The following SLC45A1 variants were observed in gnomAD, a reference collection of about 807,000 sequenced individuals.
SLC45A1 encodes solute carrier family 45 member 1.
In SLC45A1, 28 loss-of-function variants were observed where a neutral mutation model predicts 57.6. That is an observed-to-expected ratio of 0.49 (90% CI 0.36 to 0.67). The LOEUF (loss-of-function observed/expected upper bound fraction) is 0.67. SLC45A1 is among the 30% of genes least tolerant of loss of function. The pLI is 0.00. For missense variants in SLC45A1, 814 were observed against 1,041.5 expected (o/e 0.78, Z 3.01); for synonymous variants, 459 against 471.5 (o/e 0.97, Z 0.34).
intron 5 of SLC45A1, among the ~76,000 whole-genome samples, chr1:8,333,125 A>G (rs1443077407): frequency 6.6e-6 from 1 of 152,046 alleles, no homozygotes; most frequent in South Asian, 2.1e-4. Context: ...CCTGGTCCTC[A>G]GTTCATTCTC....
intron 7 of SLC45A1, among the ~76,000 whole-genome samples, chr1:8,338,697 G>A (rs1016424297): frequency 1.3e-5 from 2 of 152,222 alleles, no homozygotes; most frequent in African/African-American, 4.8e-5. Flanking sequence ...CAATCAAACC[G>A]CACTGTGTTC....
In SLC45A1 at chr1:8,330,902, CCAG is replaced by C; in HGVS notation, c.1413_1415del (p.Ser471del). On this transcript the variant is annotated inframe_deletion, in exon 5 of 9. Coordinates refer to ENST00000471889, the MANE Select transcript of SLC45A1 (RefSeq NM_001080397.3). The surrounding 1 kb of genome is among the most constrained non-coding windows in gnomAD (Gnocchi z 8.4). The stretch of plus-strand genomic sequence containing the variant: ...GCAGCCGGAGGAGGGGGTCCCGAAA[CCAG>C]CAGGAGAAGGAATGTGACCTTCAGT... 6.2e-7 allele frequency: 1 copy of C among 1,600,682 alleles called. No individual in the cohort carries two copies. The highest frequency in any genetic ancestry group is 1.7e-5 in the Admixed American group (1 of 59,502).
At position 8,324,413 on chromosome 1, in the gene SLC45A1, C is replaced by T; in HGVS notation, c.84C>T (p.Val28=). The change falls in exon 2 of 9, where the codon GTC becomes GTT. Residue 28 remains valine (V), a synonymous_variant. Coordinates refer to ENST00000471889, the MANE Select transcript of SLC45A1 (RefSeq NM_001080397.3). ...VAPQDFWRSQ[V]TGYSGSVTRH... is the part of the protein sequence containing the mutation. ...CACAGGACTTCTGGAGGTCCCAGGT[C>T]ACGGGCTACTCGGGGTCCGTGACAC... is the stretch of plus-strand genomic sequence containing the variant. The T allele has an allele frequency of 6.2e-7, 1 of 1,612,798 alleles. No individual in the cohort carries two copies. Among genetic ancestry groups the T allele is most frequent in the Non-Finnish European group, 8.5e-7 (1 of 1,179,974 alleles).
At position 8,330,926 on chromosome 1, in the gene SLC45A1, T is replaced by G. The variant is rs1425625875; in HGVS notation, c.1433T>G (p.Phe478Cys). ...ACCAGCAGGAGAAGGAATGTGACCT[T>G]CAGTCAGCAGGTAACAGCAAATGTC... is the stretch of plus-strand genomic sequence containing the variant. ...PETSRRRNVT[F>C]SQQVANILLN... Residue 478 changes from phenylalanine to cysteine, a missense_variant, in exon 5 of 9, where the codon TTC becomes TGC. By Grantham distance (205) the Phe-to-Cys change is radical (BLOSUM62 -2). Coordinates refer to ENST00000471889, the MANE Select transcript of SLC45A1 (RefSeq NM_001080397.3). This position sits in a 1 kb window ranked among gnomAD's most constrained non-coding sequence, Gnocchi z 8.4. 1.9e-6 allele frequency: 3 copies of G among 1,589,080 alleles called. No homozygotes were observed.
chr1:8,324,560 C>T lies in SLC45A1; in HGVS notation c.231C>T (p.Asp77=). 6.2e-7 allele frequency: 1 copy of T among 1,611,868 alleles called. No homozygotes were observed. The change falls in exon 2 of 9, where the codon GAC becomes GAT. Residue 77 remains aspartate, a synonymous_variant. Coordinates refer to ENST00000471889, the MANE Select transcript of SLC45A1 (RefSeq NM_001080397.3). ...CGCTTGAGCTGGTGGACTTCGGGGA[C>T]CTGCACCCCCAGAGGTCCTTCCGGG... The part of the protein sequence containing the change: ...PCPLELVDFG[D]LHPQRSFREL...
Position 8,338,892 on chromosome 1 carries a change from T to C in SLC45A1, c.1775-601T>C, listed in dbSNP as rs116469646. ...ATCTTTGTGGGTTCAAGCCCCAAAGTAGAGGGTCACTGAGGGGCTGCGGCA... is the reference window on the plus strand; with the variant it reads ...ATCTTTGTGGGTTCAAGCCCCAAAGCAGAGGGTCACTGAGGGGCTGCGGCA... On this transcript the variant is annotated intron_variant, in intron 7 of 8. Transcript: ENST00000471889. Among the ~76,000 whole-genome samples the C allele has an allele frequency of 8.2e-3, 1,255 of 152,262 alleles. 18 individuals are homozygous for C. The highest frequency in any genetic ancestry group is 0.029 in the African/African-American group (1,199 of 41,550).
rs769977174 is a variant in SLC45A1, at chr1:8,330,474, G to C, written c.981G>C (p.Pro327=). 6.2e-7 allele frequency: 1 copy of C among 1,612,602 alleles called. No homozygotes were observed. ...AGGAAGGCCCTGGCGACAGCCTCCC[G>C]TCGCACACGGCCACCAACTTCTCCA... ...LPEEGPGDSL[P]SHTATNFSSP... Residue 327 remains proline (P), a synonymous_variant, in exon 5 of 9, where the codon CCG becomes CCC. Coordinates refer to ENST00000471889, the MANE Select transcript of SLC45A1 (RefSeq NM_001080397.3). This position sits in a 1 kb window ranked among gnomAD's most constrained non-coding sequence, Gnocchi z 8.4.
At chr1:8,339,363 G>T in intron 7 of SLC45A1, 130 bp from the exon 8 acceptor site, 1 of 814,326 alleles carries the variant, frequency 1.2e-6, no homozygotes, top group African/African-American at 1.7e-5. Flanking sequence ...TTCTGGTCTG[G>T]GGCAAGTGAC....
chr1:8,325,540 A>G lies in SLC45A1; in HGVS notation c.490+150A>G. On this transcript the variant is annotated intron_variant, in intron 3 of 8. Coordinates refer to ENST00000471889, the MANE Select transcript of SLC45A1 (RefSeq NM_001080397.3). This position sits in a 1 kb window ranked among gnomAD's most constrained non-coding sequence, Gnocchi z 6.3. ...GGTGTGAGGCAGGGAGTGCCCCGCA[A>G]CCTGGCCTCAGTTAACTGTGAGAAT... The G allele has an allele frequency of 1.5e-6, 1 of 650,764 alleles. No homozygotes were observed. The allele number at this position is 650,764 out of a possible 1,614,324, so 40.3% of individuals were successfully genotyped here.
rs574298566 is a variant in SLC45A1, at chr1:8,342,076, G to A, written c.1981-1671G>A. Among the ~76,000 whole-genome samples the A allele has an allele frequency of 1.8e-4, 28 of 151,786 alleles. No individual in the cohort carries two copies. The East Asian group carries it at 2.3e-3, about 13-fold the overall frequency. ...CAAAAAATTAGCCGGGCGTGGTGGC[G>A]GGCGCCTGTAGTCCCAGCTACTCTG... On this transcript the variant is annotated intron_variant, in intron 8 of 8. Coordinates refer to ENST00000471889, the MANE Select transcript of SLC45A1 (RefSeq NM_001080397.3).
chr1:8,339,758 C>A, intron 8 of SLC45A1, 60 bp downstream of exon 8: 1 of 1,462,498 alleles, frequency 6.8e-7, no homozygotes, highest in Non-Finnish European at 9.6e-7. Flanking sequence ...CACCTGAGAA[C>A]TGTCCCCCAG....
chr1:8,342,490 C>T (rs1234058192), intron 8 of SLC45A1, among the ~76,000 whole-genome samples: 2 of 152,180 alleles, frequency 1.3e-5, no homozygotes, highest in East Asian at 3.9e-4. Flanking sequence ...ATGGACTTGC[C>T]TATTTGGGAC....
chr1:8,329,745 A>G (rs1640318909), intron 4 of SLC45A1, among the ~76,000 whole-genome samples: 1 of 152,200 alleles, frequency 6.6e-6, no homozygotes, highest in Non-Finnish European at 1.5e-5. Flanking sequence ...TGTGGTCACC[A>G]CAGGGGGCGG....
rs1406890080 is a variant in SLC45A1 at position 8,324,376 on chromosome 1, C to G, written c.47C>G (p.Pro16Arg). 5 of 1,612,828 alleles carry G rather than the reference C, an allele frequency of 3.1e-6. No individual in the cohort carries two copies. The highest frequency in any genetic ancestry group is 8.5e-7 in the Non-Finnish European group (1 of 1,179,986). Residue 16 changes from proline (P) to arginine (R), a missense_variant, in exon 2 of 9, where the codon CCC becomes CGC. Coordinates refer to ENST00000471889, the MANE Select transcript of SLC45A1 (RefSeq NM_001080397.3). The part of the protein sequence containing the change: ...SSTPPGDALF[P>R]SVAPQDFWRS... ...ACCCCGCCGGGAGATGCCCTCTTCC[C>G]CAGCGTGGCCCCACAGGACTTCTGG... is the stretch of plus-strand genomic sequence containing the variant.
At chr1:8,320,955 T>A (rs944594655) in intron 1 of SLC45A1, among the ~76,000 whole-genome samples, 1 of 152,040 alleles carries the variant, frequency 6.6e-6, no homozygotes, top group Non-Finnish European at 1.5e-5. Flanking sequence ...GCTGTGACCT[T>A]TGGGCGGAGT....
chr1:8,339,133 A>G (rs12039434), intron 7 of SLC45A1, among the ~76,000 whole-genome samples: 42,245 of 152,124 alleles, frequency 0.28, 6,582 homozygotes, highest in East Asian at 0.66. Flanking sequence ...CCACAATTAC[A>G]CAAGAACACA....
chr1:8,333,066 G>A (rs1285468006), intron 5 of SLC45A1, among the ~76,000 whole-genome samples: 2 of 150,788 alleles, frequency 1.3e-5, no homozygotes, highest in African/African-American at 4.8e-5. Context: ...TCTCCTGAAT[G>A]AAGTAGACCC....
intron 1 of SLC45A1, among the ~76,000 whole-genome samples, 166 bp downstream of exon 1, chr1:8,318,352 C>T (rs1639887852): frequency 6.6e-6 from 1 of 152,216 alleles, no homozygotes; most frequent in Non-Finnish European, 1.5e-5. Flanking sequence ...GTCCACGGAG[C>T]TCCCCCGTCT....
intron 5 of SLC45A1, 113 bp downstream of exon 5, chr1:8,331,049 T>G: frequency 3.7e-6 from 5 of 1,362,344 alleles, no homozygotes; most frequent in Non-Finnish European, 4.9e-6. Context: ...CCGGCTGTTA[T>G]GGGGGTGTTA....
Sources: allele counts gnomAD v4.1 joint callset (sites outside exome capture counted in the v4.1 genomes callset), GRCh38; gene constraint gnomAD v4.1.1; non-coding constraint Gnocchi (gnomAD v3.1); transcripts MANE v1.5; gene names NCBI Gene and HGNC (gene_info 2026-07-23, HGNC 2026-07-21).